The following MYO3B variants were observed in gnomAD, a reference collection of about 807,000 sequenced individuals.
MYO3B encodes the protein myosin IIIB, also known as myosin-IIIb.
In MYO3B, 156 loss-of-function variants were observed where a neutral mutation model predicts 174.6. The ratio of observed to expected loss-of-function variants is 0.89; its 90% CI spans 0.78 to 1.02. The LOEUF (loss-of-function observed/expected upper bound fraction) is 1.02. Among genes scored for constraint, MYO3B ranks in the 50% least tolerant of loss-of-function variants. The pLI is 0.00. For missense variants in MYO3B, 1,632 were observed against 1,639.4 expected (o/e 1.00, Z 0.08); for synonymous variants, 563 against 569.1 (o/e 0.99, Z 0.15).
intron 2 of MYO3B, 104 bp downstream of exon 2, chr2:170,199,495 T>G: frequency 2.2e-6 from 2 of 922,970 alleles, no homozygotes; most frequent in Non-Finnish European, 3.1e-6. Context: ...AAACCTGGTA[T>G]GAAATCTCAA....
rs556556011 is a variant in MYO3B, at chr2:170,406,707, T to G, written c.2521-1008T>G. On this transcript the variant is annotated intron_variant, in intron 21 of 34. Coordinates refer to ENST00000408978, the MANE Select transcript of MYO3B (RefSeq NM_138995.5). ...TCTTGACTCTTACTATTTTCCTTTC[T>G]TGATTTTAGGGGAAAAACTTTTTTT... 4.6e-5 allele frequency among the ~76,000 whole-genome samples: 7 copies of G among 152,358 alleles called. No homozygotes were observed. The Middle Eastern group carries it at 0.01, about 222-fold the overall frequency.
chr2:170,407,008 T>C (rs900688233), intron 21 of MYO3B, among the ~76,000 whole-genome samples: 1 of 152,202 alleles, frequency 6.6e-6, no homozygotes, highest in East Asian at 1.9e-4. Context: ...TGTGTGACCG[T>C]GGGCACATTA....
intron 9 of MYO3B, 78 bp downstream of exon 9, chr2:170,369,455 T>A: frequency 6.9e-7 from 1 of 1,444,962 alleles, no homozygotes; most frequent in Non-Finnish European, 9.5e-7. Context: ...TTGCCCAGCA[T>A]TATTACTGGT....
intron 14 of MYO3B, among the ~76,000 whole-genome samples, chr2:170,389,279 G>A (rs1469009388): frequency 6.6e-6 from 1 of 152,148 alleles, no homozygotes; most frequent in Non-Finnish European, 1.5e-5. Flanking sequence ...TAGGGTTCCT[G>A]TGTGGCTGGG....
At chr2:170,560,131 G>A (rs917616220) in intron 32 of MYO3B, among the ~76,000 whole-genome samples, 10 of 152,166 alleles carry the variant, frequency 6.6e-5, no homozygotes, top group African/African-American at 2.4e-4. Context: ...TCCAAGTTTA[G>A]CAACTCCTTT....
intron 25 of MYO3B, among the ~76,000 whole-genome samples, chr2:170,472,178 A>C (rs1488813000): frequency 1.3e-5 from 2 of 152,090 alleles, no homozygotes; most frequent in Non-Finnish European, 2.9e-5. Flanking sequence ...AGCAGAATAG[A>C]ATTTGTTAAA....
chr2:170,320,636 T>C (rs2105493603), intron 7 of MYO3B, among the ~76,000 whole-genome samples: 1 of 151,992 alleles, frequency 6.6e-6, no homozygotes, highest in South Asian at 2.1e-4. Flanking sequence ...TAAATATAAT[T>C]ATATATTTAT....
chr2:170,631,612 C>T (rs1696987732), intron 32 of MYO3B, among the ~76,000 whole-genome samples: 2 of 151,748 alleles, frequency 1.3e-5, no homozygotes, highest in African/African-American at 4.8e-5. Context: ...TCAGATACAC[C>T]AAAGTTGAAA....
intron 22 of MYO3B, among the ~76,000 whole-genome samples, chr2:170,425,527 G>A: frequency 6.6e-6 from 1 of 152,200 alleles, no homozygotes. Flanking sequence ...CATTTCGCAA[G>A]GGACTTCAAG....
At chr2:170,327,108 T>C (rs561195371) in intron 7 of MYO3B, among the ~76,000 whole-genome samples, 70 of 152,240 alleles carry the variant, frequency 4.6e-4, no homozygotes, top group Middle Eastern at 3.4e-3. Flanking sequence ...TCAACAAGGC[T>C]GGGTGTGGTG....
chr2:170,444,250 G>A (rs2094824165), intron 23 of MYO3B, among the ~76,000 whole-genome samples: 1 of 152,170 alleles, frequency 6.6e-6, no homozygotes, highest in Non-Finnish European at 1.5e-5. Context: ...CTCAGAAAGA[G>A]CACTTAAGAA....
intron 32 of MYO3B, among the ~76,000 whole-genome samples, chr2:170,545,968 T>C (rs1690454036): frequency 1.3e-5 from 2 of 152,204 alleles, no homozygotes; most frequent in African/African-American, 4.8e-5. Flanking sequence ...GCTTTCTCTG[T>C]TCTGGTCCTA....
intron 7 of MYO3B, among the ~76,000 whole-genome samples, chr2:170,263,406 A>G (rs999164819): frequency 6.6e-6 from 1 of 152,232 alleles, no homozygotes; most frequent in South Asian, 2.1e-4. Context: ...AGAGAAAGAA[A>G]AGTGGGCCCA....
At chr2:170,231,362 C>T (rs960957475) in intron 6 of MYO3B, among the ~76,000 whole-genome samples, 4 of 152,232 alleles carry the variant, frequency 2.6e-5, no homozygotes, top group African/African-American at 9.6e-5. Flanking sequence ...TGTTCTCAAT[C>T]TTCTCCAGAA....
rs202081379 is a variant in MYO3B, at chr2:170,543,896, C to T, written c.3641C>T (p.Ser1214Leu). 1.8e-4 allele frequency: 284 copies of T among 1,612,066 alleles called. No individual in the cohort carries two copies. The highest frequency in any genetic ancestry group is 2.2e-4 in the Non-Finnish European group (263 of 1,178,680). ...TCTTACTGGGTTTTTCTGAAGCACT[C>T]GGTTTCTGGGACTGATTTGCTGTCT... The part of the protein sequence containing the change: ...DIFAGHANKH[S>L]VSGTDLLSSR... The change falls in exon 32 of 35, where the codon TCG (serine) becomes TTG (leucine). Residue 1214 changes from serine (S) to leucine (L), a missense_variant. By Grantham distance (145) the Ser-to-Leu change is moderately radical. Coordinates refer to ENST00000408978, the MANE Select transcript of MYO3B (RefSeq NM_138995.5).
chr2:170,559,442 A>G (rs1691564124), intron 32 of MYO3B, among the ~76,000 whole-genome samples: 1 of 152,206 alleles, frequency 6.6e-6, no homozygotes, highest in South Asian at 2.1e-4. Context: ...CAAGGGCTCT[A>G]TCCTAATTAG....
At chr2:170,488,077 T>C (rs1335985944) in intron 25 of MYO3B, among the ~76,000 whole-genome samples, 1 of 152,260 alleles carries the variant, frequency 6.6e-6, no homozygotes, top group Non-Finnish European at 1.5e-5. Context: ...ATGCCTATTT[T>C]GGCAGTAACC....
At position 170,395,748 on chromosome 2, in the gene MYO3B, A is replaced by AGG. The variant is rs201873315; in HGVS notation, c.1791+3254_1791+3255insGG. Among the ~76,000 whole-genome samples the AGG allele has an allele frequency of 8.1e-4, 124 of 152,274 alleles. 3 individuals carry two copies. In the East Asian group the frequency reaches 0.022, roughly 27 times the overall value. ...GGGAAGAACTGATGAAAAACTGACG[A>AGG]GATTTACAAAAAAGAAAGAAAGGAA... On this transcript the variant is annotated intron_variant, in intron 16 of 34. Transcript: ENST00000408978.
intron 5 of MYO3B, among the ~76,000 whole-genome samples, chr2:170,216,369 T>G (rs193133714): frequency 2.0e-4 from 31 of 152,354 alleles, no homozygotes; most frequent in African/African-American, 7.2e-4. Flanking sequence ...CTATTTGGTC[T>G]TAAGAAGAAC....
Sources: allele counts gnomAD v4.1 joint callset (sites outside exome capture counted in the v4.1 genomes callset), GRCh38; gene constraint gnomAD v4.1.1; transcripts MANE v1.5; gene names NCBI Gene and HGNC (gene_info 2026-07-23, HGNC 2026-07-21).